TET2: variants seen among roughly 807,000 people sequenced by gnomAD.
The protein encoded by TET2 is methylcytosine dioxygenase TET2.
TET2 carries 299 observed loss-of-function variants against 142.9 expected under a neutral mutation model. That is an observed-to-expected ratio of 2.09 (90% confidence interval 1.90 to 2.30). The LOEUF (loss-of-function observed/expected upper bound fraction) is 2.30, where lower values mean the gene tolerates loss of function less well. Ranked by LOEUF, TET2 falls within the 30% of genes most tolerant of loss-of-function variation. TET2 has a pLI of 0.00. For synonymous variants in TET2, 819 were observed against 849.0 expected, an observed-to-expected ratio of 0.96 and a Z score of 0.61; for missense variants, 2,418 against 2,378.0, an observed-to-expected ratio of 1.02 and a Z score of -0.35.
Position 105,234,448 on chromosome 4 carries a change from A to T in TET2, c.506A>T (p.His169Leu). ...AAAGATTTCACCAGTTTTTCAACAC[A>T]TAACTGCAGTGGGCCTGAAAATCCA... ...AVKDFTSFST[H>L]NCSGPENPEL... The change falls in exon 3 of 11, where the codon CAT becomes CTT. Residue 169 changes from histidine to leucine, a missense_variant. Coordinates refer to ENST00000380013, the MANE Select transcript of TET2 (RefSeq NM_001127208.3). 6.2e-7 allele frequency: 1 copy of T among 1,614,002 alleles called. No homozygotes were observed.
chr4:105,182,311 T>C (rs2110454329), intron 1 of TET2, among the ~76,000 whole-genome samples: 2 of 152,274 alleles, frequency 1.3e-5, no homozygotes, highest in Non-Finnish European at 2.9e-5. Context: ...TATAGCTCCT[T>C]CCCCATTACT....
chr4:105,200,704 A>C (rs528721637), intron 2 of TET2, among the ~76,000 whole-genome samples: 1 of 151,888 alleles, frequency 6.6e-6, no homozygotes, highest in Non-Finnish European at 1.5e-5. Context: ...CGCTGTCACC[A>C]GTCTGGAGTG....
intron 6 of TET2, among the ~76,000 whole-genome samples, chr4:105,255,105 G>C (rs779188073): frequency 1.3e-5 from 2 of 152,134 alleles, no homozygotes; most frequent in South Asian, 2.1e-4. Context: ...CCTGTTGTAG[G>C]TATATTCAGA....
chr4:105,252,933 C>A (rs957874104), intron 6 of TET2, among the ~76,000 whole-genome samples: 3 of 152,152 alleles, frequency 2.0e-5, no homozygotes, highest in African/African-American at 7.2e-5. Context: ...TGTCAAAGAT[C>A]AGTTGATTAT....
At chr4:105,253,081 T>C (rs563915438) in intron 6 of TET2, among the ~76,000 whole-genome samples, 2 of 152,288 alleles carry the variant, frequency 1.3e-5, no homozygotes, top group Non-Finnish European at 1.5e-5. Context: ...CCTCTGACAT[T>C]GTTTTTCTCC....
At chr4:105,155,073 G>A (rs980665792) in intron 1 of TET2, among the ~76,000 whole-genome samples, 8 of 152,086 alleles carry the variant, frequency 5.3e-5, no homozygotes, top group African/African-American at 1.7e-4. Context: ...TTACTACAAA[G>A]TGCAGTTTAA....
At chr4:105,226,589 C>G (rs1199431283) in intron 2 of TET2, among the ~76,000 whole-genome samples, 2 of 151,802 alleles carry the variant, frequency 1.3e-5, no homozygotes, top group African/African-American at 4.8e-5. Flanking sequence ...ACGTCCCCCT[C>G]CCTGTCTCCT....
intron 1 of TET2, among the ~76,000 whole-genome samples, chr4:105,153,058 A>G (rs1238330275): frequency 6.6e-6 from 1 of 152,252 alleles, no homozygotes; most frequent in Non-Finnish European, 1.5e-5. Context: ...AATGGTTTTT[A>G]GTAAACTTAT....
chr4:105,192,254 G>T (rs1725833454), intron 2 of TET2, among the ~76,000 whole-genome samples: 1 of 152,002 alleles, frequency 6.6e-6, no homozygotes, highest in Admixed American at 6.6e-5. Flanking sequence ...GAGGGAAAAG[G>T]TTTTACAGGT....
At position 105,259,585 on chromosome 4, in the gene TET2, C is replaced by A. The variant is rs185347520; in HGVS notation, c.3804-34C>A. 2,769 of 1,546,162 alleles carry A rather than the reference C, an allele frequency of 1.8e-3. 7 individuals carry two copies. Among genetic ancestry groups the A allele is most frequent in the Middle Eastern group, 3.2e-3 (19 of 5,952 alleles). ...AGCTGCACAGCCTATATAATGCTAT[C>A]CATAGCAATGAATTTGGTCTTTTGA... On this transcript the variant is annotated intron_variant, in intron 6 of 10. Coordinates refer to ENST00000380013, the MANE Select transcript of TET2 (RefSeq NM_001127208.3).
At chr4:105,209,059 A>G (rs1435313202) in intron 2 of TET2, among the ~76,000 whole-genome samples, 15 of 66,616 alleles carry the variant, frequency 2.3e-4, no homozygotes, top group Admixed American at 3.8e-4. Context: ...GTATATATAT[A>G]TATATATATA....
chr4:105,252,414 T>G (rs1260186825), intron 6 of TET2, among the ~76,000 whole-genome samples: 2 of 152,222 alleles, frequency 1.3e-5, no homozygotes, highest in Non-Finnish European at 2.9e-5. Context: ...ATTTATCCAT[T>G]CACATAGTGA....
chr4:105,234,886 C>A lies in TET2; in HGVS notation c.944C>A (p.Ser315Tyr), dbSNP rs1202669721. 1 of 1,613,924 alleles carries A rather than the reference C, an allele frequency of 6.2e-7. No individual in the cohort carries two copies. Among genetic ancestry groups the A allele is most frequent in the Non-Finnish European group, 8.5e-7 (1 of 1,179,992 alleles). The change falls in exon 3 of 11, where the codon TCC becomes TAC. Residue 315 changes from serine to tyrosine, a missense_variant. Physicochemically the swap from Ser to Tyr is moderately radical, Grantham distance 144. Coordinates refer to ENST00000380013, the MANE Select transcript of TET2 (RefSeq NM_001127208.3). ...CTAGCTGCAATGCTAAATACCTGTT[C>A]CTTTCAGAAACCAGAACAACTACAA... ...SKLAAMLNTC[S>Y]FQKPEQLQQQ...
intron 2 of TET2, among the ~76,000 whole-genome samples, chr4:105,192,984 A>G (rs1281533480): frequency 6.6e-6 from 1 of 152,222 alleles, no homozygotes; most frequent in Non-Finnish European, 1.5e-5. Context: ...GACCTGGAGT[A>G]GTAAAAGGTT....
chr4:105,151,179 G>T lies in TET2; in HGVS notation c.-193+4200G>T, dbSNP rs548733255. Reference sequence around the variant, plus strand: ...TACAAAAAATTTAAAAAGTTAGTGGGGCATGGTGGTACATTCCTGTAGTCC... The same window carrying T: ...TACAAAAAATTTAAAAAGTTAGTGGTGCATGGTGGTACATTCCTGTAGTCC... On this transcript the variant is annotated intron_variant, in intron 1 of 10. Transcript: ENST00000380013. Among the ~76,000 whole-genome samples, 6 of 151,920 alleles carry T rather than the reference G, an allele frequency of 3.9e-5. No homozygotes were observed. The East Asian group carries it at 9.8e-4, about 25-fold the overall frequency.
At chr4:105,267,175 A>G (rs1415743583) in intron 8 of TET2, among the ~76,000 whole-genome samples, 1 of 151,996 alleles carries the variant, frequency 6.6e-6, no homozygotes, top group Non-Finnish European at 1.5e-5. Context: ...AATAAAGAAT[A>G]TTTTTTCAGA....
At chr4:105,241,659 G>A (rs942492922) in intron 4 of TET2, 139 of 1,280,420 alleles carry the variant, frequency 1.1e-4, no homozygotes, top group South Asian at 6.4e-5. Flanking sequence ...CTTTGCGATG[G>A]ATGCCAGAAA....
At chr4:105,253,743 T>TTATG (rs1367619213) in intron 6 of TET2, among the ~76,000 whole-genome samples, 2 of 152,144 alleles carry the variant, frequency 1.3e-5, no homozygotes, top group African/African-American at 2.4e-5. Context: ...ATCTTCAATT[T>TTATG]TATGTTAGCT....
chr4:105,178,885 CTGAG>C (rs1462025434), intron 1 of TET2, among the ~76,000 whole-genome samples: 2 of 152,160 alleles, frequency 1.3e-5, no homozygotes, highest in African/African-American at 4.8e-5. Context: ...CTGCCTGAGA[CTGAG>C]TAATTTATAA....
Sources: allele counts gnomAD v4.1 joint callset (sites outside exome capture counted in the v4.1 genomes callset), GRCh38; gene constraint gnomAD v4.1.1; transcripts MANE v1.5; gene names NCBI Gene and HGNC (gene_info 2026-07-23, HGNC 2026-07-21).